Variants in IQGAP2 observed in about 807,000 individuals in gnomAD.
IQGAP2 encodes ras GTPase-activating-like protein IQGAP2.
In IQGAP2, 173 loss-of-function variants were observed where a neutral mutation model predicts 201.3. That is an observed-to-expected ratio of 0.86 (90% confidence interval 0.76 to 0.98). The LOEUF (loss-of-function observed/expected upper bound fraction) is 0.98. Ranked by LOEUF, IQGAP2 falls within the 50% of genes least tolerant of loss-of-function variation. IQGAP2 has a pLI of 0.00. For synonymous variants in IQGAP2, 675 were observed against 673.9 expected (o/e 1.00, Z -0.03); for missense variants, 1,687 against 1,864.8 (o/e 0.90, Z 1.76).
intron 16 of IQGAP2, among the ~76,000 whole-genome samples, chr5:76,639,643 C>T (rs564830603): frequency 1.1e-4 from 16 of 152,190 alleles, no homozygotes; most frequent in African/African-American, 3.6e-4. Context: ...CTTATAGAAT[C>T]GTTAAAAGTC....
chr5:76,555,316 G>A lies in IQGAP2; in HGVS notation c.147-7080G>A, dbSNP rs557358725. Among the ~76,000 whole-genome samples the A allele has an allele frequency of 8.5e-5, 13 of 152,276 alleles. No homozygotes were observed. The South Asian group carries it at 2.7e-3, about 32-fold the overall frequency. ...GTGTGGATTATATCTCAATAAAGATGTTAAACCACACACAGTCATATTACA... is the reference window on the plus strand; with the variant it reads ...GTGTGGATTATATCTCAATAAAGATATTAAACCACACACAGTCATATTACA... On this transcript the variant is annotated intron_variant, in intron 2 of 35. Coordinates refer to ENST00000274364, the MANE Select transcript of IQGAP2 (RefSeq NM_006633.5).
intron 13 of IQGAP2, chr5:76,616,893 TA>T (rs1227653087): frequency 6.6e-6 from 1 of 151,568 alleles, no homozygotes; most frequent in African/African-American, 2.4e-5. Context: ...TGAAACTAGA[TA>T]AAAGACCCTG....
intron 2 of IQGAP2, among the ~76,000 whole-genome samples, chr5:76,545,720 G>A (rs1483930736): frequency 1.3e-5 from 2 of 152,018 alleles, no homozygotes; most frequent in East Asian, 3.8e-4. Flanking sequence ...ACTGAGATTT[G>A]GAAAATACTT....
chr5:76,635,777 C>T (rs547042669), intron 15 of IQGAP2, among the ~76,000 whole-genome samples: 1 of 101,680 alleles, frequency 9.8e-6, no homozygotes, highest in South Asian at 3.5e-4. Flanking sequence ...TGCAGTGAGC[C>T]TTGGTCACAC....
At chr5:76,578,113 G>C (rs1304969513) in intron 5 of IQGAP2, among the ~76,000 whole-genome samples, 2 of 152,116 alleles carry the variant, frequency 1.3e-5, no homozygotes, top group African/African-American at 2.4e-5. Flanking sequence ...CTTCCTGTTT[G>C]TATCTGTGTT....
At chr5:76,510,538 G>C in intron 2 of IQGAP2, 1 of 425,310 alleles carries the variant, frequency 2.4e-6, no homozygotes, top group South Asian at 1.7e-5. Context: ...CATCTGTGCT[G>C]GACCCCGCCA....
chr5:76,674,436 T>A (rs1744626927), intron 26 of IQGAP2, 41 bp from the exon 27 acceptor site: 1 of 1,235,572 alleles, frequency 8.1e-7, no homozygotes, highest in Non-Finnish European at 1.2e-6. Context: ...CTCTTGAGTT[T>A]TCTCTCTTAA....
chr5:76,625,304 G>A (rs1010322061), intron 13 of IQGAP2, among the ~76,000 whole-genome samples: 1 of 152,190 alleles, frequency 6.6e-6, no homozygotes, highest in Non-Finnish European at 1.5e-5. Flanking sequence ...ACAGTGATAA[G>A]TTATGAAGGA....
At chr5:76,462,960 A>T (rs1754554606) in intron 2 of IQGAP2, among the ~76,000 whole-genome samples, 2 of 151,900 alleles carry the variant, frequency 1.3e-5, no homozygotes, top group Non-Finnish European at 2.9e-5. Context: ...TGTCGCAAAA[A>T]AGTTAGATAA....
rs1561416358 is a variant in IQGAP2 at position 76,496,749 on chromosome 5, C to CTTTCT, written c.146+35083_146+35087dup. ...CTTTTCTTTCTTTCTTTCTTTCTTT[C>CTTTCT]TTTCTTTCTTTCTTTCTTTCTTTCT... On this transcript the variant is annotated intron_variant, in intron 2 of 35. Transcript: ENST00000274364. Among the ~76,000 whole-genome samples the CTTTCT allele has an allele frequency of 2.0e-3, 123 of 60,496 alleles. 4 individuals carry two copies. The highest frequency in any genetic ancestry group is 0.017 in the East Asian group (42 of 2,418). The allele number at this position is 60,496 out of a possible 152,430, so 39.7% of individuals were successfully genotyped here. A position where few individuals can be genotyped will look rare whatever the true frequency, so the allele number is the denominator to read the frequency against.
chr5:76,502,445 G>C (rs1184457801), intron 2 of IQGAP2, among the ~76,000 whole-genome samples: 1 of 152,114 alleles, frequency 6.6e-6, no homozygotes, highest in Non-Finnish European at 1.5e-5. Context: ...AACACTACTG[G>C]GATTTTTTCA....
In IQGAP2 at chr5:76,636,935, G is replaced by T. The variant is rs538422503; in HGVS notation, c.1781-99G>T. 3.1e-5 allele frequency: 31 copies of T among 1,015,778 alleles called. No individual in the cohort carries two copies. The African/African-American group carries it at 5.1e-4, about 17-fold the overall frequency. 62.9% of individuals were successfully genotyped at this position (1,015,778 alleles called of 1,614,324 possible). On this transcript the variant is annotated intron_variant, in intron 15 of 35. Transcript: ENST00000274364. ...ATGCCTTTGGCTGTCTGAAGGTTTG[G>T]TGAAAAACATATTCAATTATTTTAC...
rs997108352 is a variant in IQGAP2, at chr5:76,618,493, C to G, written c.1521+7310C>G. 2.5e-6 allele frequency: 4 copies of G among 1,614,166 alleles called. No homozygotes were observed. In the Middle Eastern group the frequency reaches 4.9e-4, roughly 200 times the overall value. The stretch of plus-strand genomic sequence containing the variant: ...ACATGGAGATGTGAAGCACTTTCTT[C>G]AGGGCACTTAATTTTTACAGTAATC... On this transcript the variant is annotated intron_variant, in intron 13 of 35. Transcript: ENST00000274364.
At chr5:76,479,539 C>T (rs1244909792) in intron 2 of IQGAP2, among the ~76,000 whole-genome samples, 7 of 152,122 alleles carry the variant, frequency 4.6e-5, no homozygotes, top group Non-Finnish European at 7.4e-5. Context: ...TAGGGGAGCA[C>T]GTGCCATCCC....
intron 1 of IQGAP2, among the ~76,000 whole-genome samples, chr5:76,429,894 C>T (rs11748078): frequency 0.74 from 111,167 of 150,214 alleles, 43,969 homozygotes; most frequent in Non-Finnish European, 0.88. Flanking sequence ...CACACACACA[C>T]GACTATTTCA....
At chr5:76,569,226 T>C (rs1223651691) in intron 3 of IQGAP2, among the ~76,000 whole-genome samples, 4 of 152,226 alleles carry the variant, frequency 2.6e-5, no homozygotes. Flanking sequence ...AGATGTAGTC[T>C]TGAATCCTAG....
chr5:76,448,128 C>T (rs976313247), intron 1 of IQGAP2, among the ~76,000 whole-genome samples: 8 of 152,118 alleles, frequency 5.3e-5, no homozygotes, highest in Admixed American at 1.3e-4. Flanking sequence ...TGGCTGTGCT[C>T]GCCATGTGTC....
chr5:76,581,372 G>A (rs1254789356), intron 5 of IQGAP2, among the ~76,000 whole-genome samples: 1 of 152,168 alleles, frequency 6.6e-6, no homozygotes, highest in Non-Finnish European at 1.5e-5. Context: ...CAGTTTCTTA[G>A]CTCAAAGGAC....
chr5:76,508,477 C>T (rs898585655), intron 2 of IQGAP2, among the ~76,000 whole-genome samples: 1 of 152,194 alleles, frequency 6.6e-6, no homozygotes, highest in African/African-American at 2.4e-5. Context: ...CTTAGAATGG[C>T]CTTTATGATG....
Sources: allele counts gnomAD v4.1 joint callset (sites outside exome capture counted in the v4.1 genomes callset), GRCh38; gene constraint gnomAD v4.1.1; transcripts MANE v1.5; gene names NCBI Gene and HGNC (gene_info 2026-07-23, HGNC 2026-07-21).